Variants in TEAD1 observed in about 807,000 individuals in gnomAD.
TEAD1 encodes TEA domain transcription factor 1, also known as transcriptional enhancer factor TEF-1.
In TEAD1, 9 loss-of-function variants were observed where a neutral mutation model predicts 54.9. The observed-to-expected ratio is 0.16, with a 90% CI of 0.10 to 0.29. The LOEUF (loss-of-function observed/expected upper bound fraction) is 0.29, where lower values mean the gene tolerates loss of function less well. Ranked by LOEUF, TEAD1 falls within the 10% of genes least tolerant of loss-of-function variation. TEAD1 has a pLI of 1.00. For synonymous variants in TEAD1, 200 were observed against 187.8 expected, an observed-to-expected ratio of 1.07 and a Z score of -0.53; for missense variants, 387 against 535.9, an observed-to-expected ratio of 0.72 and a Z score of 2.74.
At chr11:12,890,434 C>G (rs972210799) in intron 9 of TEAD1, among the ~76,000 whole-genome samples, 11 of 152,142 alleles carry the variant, frequency 7.2e-5, no homozygotes, top group Non-Finnish European at 1.2e-4. Context: ...GCTTTAGAGC[C>G]TATCTTTCAT....
In TEAD1 at chr11:12,855,585, ACC is replaced by A. The variant is rs1947360678; in HGVS notation, c.203-6664_203-6663del. ...TTACAGGCATGAGCCATTGCGCCTG[ACC>A]AGGTTGTTGGCTTTCATATCCTAAA... On this transcript the variant is annotated intron_variant, in intron 3 of 12. Coordinates refer to ENST00000527636, the MANE Select transcript of TEAD1 (RefSeq NM_021961.6). Among the ~76,000 whole-genome samples the A allele has an allele frequency of 2.6e-5, 4 of 151,228 alleles. No individual in the cohort carries two copies. The South Asian group carries it at 8.5e-4, about 32-fold the overall frequency.
chr11:12,684,684 G>GT lies in TEAD1; in HGVS notation c.-55+9124dup, dbSNP rs540508049. On this transcript the variant is annotated intron_variant, in intron 2 of 12. Coordinates refer to ENST00000527636, the MANE Select transcript of TEAD1 (RefSeq NM_021961.6). The stretch of plus-strand genomic sequence containing the variant: ...AGAGTTGGAGTAAAGTTTAGATTAG[G>GT]TAAGTGCTGGCTCGGTAGGCTAGAG... Among the ~76,000 whole-genome samples the GT allele has an allele frequency of 9.6e-4, 146 of 152,228 alleles. 6 individuals carry two copies. In the South Asian group the frequency reaches 0.022, roughly 23 times the overall value.
chr11:12,894,854 G>T (rs923067123), intron 9 of TEAD1, among the ~76,000 whole-genome samples: 6 of 152,194 alleles, frequency 3.9e-5, no homozygotes, highest in African/African-American at 7.2e-5. Flanking sequence ...TACGTGCTAT[G>T]TACAGTGTTA....
At chr11:12,743,097 T>C (rs192552961) in intron 2 of TEAD1, among the ~76,000 whole-genome samples, 88 of 152,362 alleles carry the variant, frequency 5.8e-4, no homozygotes, top group Admixed American at 9.8e-4. Flanking sequence ...GCTGGTGTTC[T>C]TGCCTTGGCA....
chr11:12,893,954 C>T (rs1948253734), intron 9 of TEAD1, among the ~76,000 whole-genome samples: 1 of 152,142 alleles, frequency 6.6e-6, no homozygotes, highest in Admixed American at 6.5e-5. Flanking sequence ...TGGCTTGGCT[C>T]CGCAGCCATT....
intron 5 of TEAD1, among the ~76,000 whole-genome samples, chr11:12,870,024 C>T (rs1947708538): frequency 2.0e-5 from 3 of 152,056 alleles, no homozygotes; most frequent in South Asian, 2.1e-4. Context: ...GGATTACAGG[C>T]GCTCATCACG....
intron 10 of TEAD1, among the ~76,000 whole-genome samples, chr11:12,923,326 C>T (rs940152162): frequency 6.6e-6 from 1 of 152,144 alleles, no homozygotes; most frequent in Non-Finnish European, 1.5e-5. Flanking sequence ...TTGCCTAAGC[C>T]TCGTCTTCTT....
intron 10 of TEAD1, chr11:12,922,902 C>T (rs932099533): frequency 1.6e-4 from 20 of 122,538 alleles, no homozygotes; most frequent in Admixed American, 4.4e-4. Flanking sequence ...CCAGCCTAGA[C>T]GACAGGGCCA....
intron 9 of TEAD1, among the ~76,000 whole-genome samples, chr11:12,897,806 T>A (rs1457039230): frequency 2.0e-5 from 3 of 152,270 alleles, no homozygotes; most frequent in Admixed American, 1.3e-4. Context: ...TTAGTTTTTT[T>A]GCTGTTGTTC....
chr11:12,888,243 T>A (rs1041943670), intron 9 of TEAD1, among the ~76,000 whole-genome samples: 1 of 152,230 alleles, frequency 6.6e-6, no homozygotes, highest in Non-Finnish European at 1.5e-5. Flanking sequence ...GTGTGATGGC[T>A]CACGCCTGTA....
At chr11:12,731,265 C>T (rs959041979) in intron 2 of TEAD1, among the ~76,000 whole-genome samples, 3 of 152,046 alleles carry the variant, frequency 2.0e-5, no homozygotes, top group African/African-American at 7.3e-5. Context: ...ATCAGATTTG[C>T]AGTATATGTC....
intron 3 of TEAD1, among the ~76,000 whole-genome samples, chr11:12,820,259 C>T (rs1315253558): frequency 3.3e-5 from 5 of 152,164 alleles, no homozygotes; most frequent in Non-Finnish European, 7.3e-5. Context: ...GACACTGTTG[C>T]TGTGGGGAAG....
intron 10 of TEAD1, among the ~76,000 whole-genome samples, chr11:12,909,419 C>T (rs1948578685): frequency 6.6e-6 from 1 of 151,394 alleles, no homozygotes; most frequent in Admixed American, 6.6e-5. Flanking sequence ...CAAACTAACA[C>T]AGGAACAGAA....
chr11:12,787,275 C>G (rs1051713764), intron 3 of TEAD1, among the ~76,000 whole-genome samples: 1 of 152,176 alleles, frequency 6.6e-6, no homozygotes, highest in Non-Finnish European at 1.5e-5. Flanking sequence ...TCTTTGATTT[C>G]TTTTTGCCTT....
rs1482942029 is a variant in TEAD1, at chr11:12,720,000, G to T, written c.-54-44179G>T. On this transcript the variant is annotated intron_variant, in intron 2 of 12. Coordinates refer to ENST00000527636, the MANE Select transcript of TEAD1 (RefSeq NM_021961.6). ...TTTTTTTTTTTTTTTTTTTTGGGGG[G>T]GGACCCAGCCATGCTGTGTCTTGTA... is the stretch of plus-strand genomic sequence containing the variant. Among the ~76,000 whole-genome samples, 21 of 60,678 alleles carry T rather than the reference G, an allele frequency of 3.5e-4. 1 individual carries two copies. The highest frequency in any genetic ancestry group is 9.1e-4 in the African/African-American group (19 of 20,848). 39.8% of individuals were successfully genotyped at this position (60,678 alleles called of 152,430 possible). A position where few individuals can be genotyped will look rare whatever the true frequency, so the allele number is the denominator to read the frequency against.
chr11:12,749,858 T>C (rs1010145658), intron 2 of TEAD1, among the ~76,000 whole-genome samples: 1 of 152,166 alleles, frequency 6.6e-6, no homozygotes, highest in Non-Finnish European at 1.5e-5. Context: ...GTGCCAAGAT[T>C]CTTTCTCTTG....
chr11:12,864,437 T>A (rs993049940), intron 4 of TEAD1, among the ~76,000 whole-genome samples: 2 of 152,130 alleles, frequency 1.3e-5, no homozygotes, highest in Non-Finnish European at 2.9e-5. Flanking sequence ...TTAACTTTCA[T>A]CCTGAATCAA....
At chr11:12,844,466 G>T (rs372741574) in intron 3 of TEAD1, among the ~76,000 whole-genome samples, 7 of 152,086 alleles carry the variant, frequency 4.6e-5, no homozygotes, top group South Asian at 4.1e-4. Context: ...CATGTGATTT[G>T]TTGCCTATAT....
rs985976707 is a variant in TEAD1, at chr11:12,686,353, A to G, written c.-55+10792A>G. 2.0e-5 allele frequency among the ~76,000 whole-genome samples: 3 copies of G among 152,192 alleles called. No individual in the cohort carries two copies. In the East Asian group the frequency reaches 5.8e-4, roughly 29 times the overall value. Reference sequence around the variant, plus strand: ...CCAGGCCATTTCTGAGGCCACAGCTACAATAGAGGGGAATTTCAGGAAACA... The same window carrying G: ...CCAGGCCATTTCTGAGGCCACAGCTGCAATAGAGGGGAATTTCAGGAAACA... On this transcript the variant is annotated intron_variant, in intron 2 of 12. Coordinates refer to ENST00000527636, the MANE Select transcript of TEAD1 (RefSeq NM_021961.6).
Sources: gnomAD v4.1 joint callset for allele counts (sites outside exome capture counted in the v4.1 genomes callset) on GRCh38, gnomAD v4.1.1 for gene constraint, MANE v1.5 for transcripts, NCBI Gene and HGNC (gene_info 2026-07-23, HGNC 2026-07-21) for gene names.